The following LRRC37A variants were observed in gnomAD, a reference collection of about 807,000 sequenced individuals.
The protein encoded by LRRC37A is leucine rich repeat containing 37A, also known as leucine-rich repeat-containing protein 37A.
In LRRC37A, 3 loss-of-function variants were observed where a neutral mutation model predicts 35.4. That is an observed-to-expected ratio of 0.08 (90% CI 0.04 to 0.22). The LOEUF (loss-of-function observed/expected upper bound fraction) is 0.22. Ranked by LOEUF, LRRC37A falls within the 10% of genes least tolerant of loss-of-function variation. LRRC37A has a pLI of 1.00. For missense variants in LRRC37A, 67 were observed against 565.3 expected, an observed-to-expected ratio of 0.12 and a Z score of 8.94; for synonymous variants, 23 against 215.0, an observed-to-expected ratio of 0.11 and a Z score of 7.81.
chr17:46,269,971 T>C, the LRRC37A span, among the ~76,000 whole-genome samples: 1 of 152,338 alleles, frequency 6.6e-6, no homozygotes, highest in East Asian at 1.9e-4. Context: ...TTCAGTTGGT[T>C]TTAAAAAGGT....
chr17:46,280,569 C>CTTTTTTTTTTTTT, the LRRC37A span, among the ~76,000 whole-genome samples: 1 of 112,012 alleles, frequency 8.9e-6, no homozygotes, highest in Non-Finnish European at 1.7e-5. Context: ...TGATAGCACA[C>CTTTTTTTTTTTTT]TTTTTTTTTT....
At chr17:46,324,154 C>T (rs1273962921) in intron 7 of LRRC37A, among the ~76,000 whole-genome samples, 1 of 117,494 alleles carries the variant, frequency 8.5e-6, no homozygotes, top group Admixed American at 8.6e-5. Context: ...GCCTGTAATC[C>T]CAGCTACTCA....
the LRRC37A span, among the ~76,000 whole-genome samples, chr17:46,262,707 A>AC: frequency 6.6e-6 from 1 of 151,756 alleles, no homozygotes; most frequent in Non-Finnish European, 1.5e-5. Context: ...AATCACTTGA[A>AC]CCGGGAGGCG....
chr17:46,286,798 G>GTGA, the LRRC37A span, among the ~76,000 whole-genome samples: 1 of 152,254 alleles, frequency 6.6e-6, no homozygotes, highest in South Asian at 2.1e-4. Flanking sequence ...AGAACTCACT[G>GTGA]TGACTGCAGG....
upstream of LRRC37A, among the ~76,000 whole-genome samples, chr17:46,291,985 A>AAAAAAAAAAAC (rs1360524355): frequency 0.015 from 1,128 of 76,098 alleles, 90 homozygotes; most frequent in South Asian, 0.023. Flanking sequence ...AAAAAAAAAA[A>AAAAAAAAAAAC]AAGCCAATAA....
chr17:46,250,631 C>A, the LRRC37A span, among the ~76,000 whole-genome samples: 1 of 152,232 alleles, frequency 6.6e-6, no homozygotes, highest in Admixed American at 6.5e-5. Flanking sequence ...CAGACTGGCT[C>A]TCCTTGCTCC....
the LRRC37A span, among the ~76,000 whole-genome samples, chr17:46,255,706 C>T: frequency 8.5e-5 from 12 of 141,862 alleles, no homozygotes; most frequent in Admixed American, 2.9e-4. Context: ...GACGGAGTCT[C>T]GCTCTGTCAC....
chr17:46,280,233 A>T, the LRRC37A span, among the ~76,000 whole-genome samples: 2 of 152,180 alleles, frequency 1.3e-5, no homozygotes, highest in Non-Finnish European at 2.9e-5. Context: ...GTGTGGTGGC[A>T]GGCGCCTGTA....
chr17:46,257,166 G>A, the LRRC37A span, among the ~76,000 whole-genome samples: 1 of 151,844 alleles, frequency 6.6e-6, no homozygotes, highest in Non-Finnish European at 1.5e-5. Flanking sequence ...TTAACACTAG[G>A]CTGGGCATGG....
the LRRC37A span, among the ~76,000 whole-genome samples, chr17:46,252,750 T>C: frequency 6.6e-6 from 1 of 152,096 alleles, no homozygotes; most frequent in African/African-American, 2.4e-5. Context: ...TAGAACAAAA[T>C]GAAAAGTCTC....
chr17:46,333,099 T>C (rs1399352075), intron 10 of LRRC37A, among the ~76,000 whole-genome samples: 1 of 123,052 alleles, frequency 8.1e-6, no homozygotes, highest in Non-Finnish European at 1.8e-5. Flanking sequence ...TATTGTCTTG[T>C]AGACTTATTA....
At chr17:46,262,779 C>T in the LRRC37A span, among the ~76,000 whole-genome samples, 10 of 143,610 alleles carry the variant, frequency 7.0e-5, no homozygotes, top group African/African-American at 2.1e-4. Flanking sequence ...GAGCAAAACT[C>T]GGTCTTGGAA....
the LRRC37A span, among the ~76,000 whole-genome samples, chr17:46,278,411 TG>T: frequency 0.17 from 19,199 of 112,094 alleles, 1,496 homozygotes; most frequent in African/African-American, 0.25. Flanking sequence ...GTTTTTTTTT[TG>T]TTGTTGTTTT....
the LRRC37A span, among the ~76,000 whole-genome samples, chr17:46,271,511 G>A: frequency 1.3e-5 from 2 of 151,994 alleles, no homozygotes; most frequent in Non-Finnish European, 2.9e-5. Flanking sequence ...CAGGAAGAGT[G>A]AAAGCTGTAA....
At chr17:46,252,755 A>AGAGAC in the LRRC37A span, among the ~76,000 whole-genome samples, 3 of 152,096 alleles carry the variant, frequency 2.0e-5, no homozygotes, top group Non-Finnish European at 4.4e-5. Context: ...CAAAATGAAA[A>AGAGAC]GTCTCCCATG....
At chr17:46,253,749 C>G in the LRRC37A span, among the ~76,000 whole-genome samples, 2 of 84,558 alleles carry the variant, frequency 2.4e-5, no homozygotes, top group Admixed American at 1.7e-4. Context: ...AGAGGGAGAC[C>G]GTGGGGAGAG....
At chr17:46,330,852 G>A (rs760293397) in exon 9 of LRRC37A, 1 of 719,532 alleles carries the variant, frequency 1.4e-6, no homozygotes, top group Non-Finnish European at 2.1e-6. Context: ...AGGGAACAGG[G>A]TGCCCAGGCA....
At chr17:46,289,871 G>A (rs1567857247), upstream of LRRC37A, among the ~76,000 whole-genome samples, 1 of 152,172 alleles carries the variant, frequency 6.6e-6, no homozygotes, top group Non-Finnish European at 1.5e-5. Flanking sequence ...TGTAATCCCA[G>A]CAGTTTGGGA....
At chr17:46,265,351 TCTC>T in the LRRC37A span, among the ~76,000 whole-genome samples, 5 of 145,376 alleles carry the variant, frequency 3.4e-5, no homozygotes, top group African/African-American at 7.4e-5. Context: ...TTCTTCTTCT[TCTC>T]CTCCTTCTCC....
Sources: allele counts gnomAD v4.1 joint callset (sites outside exome capture counted in the v4.1 genomes callset), GRCh38; gene constraint gnomAD v4.1.1; transcripts MANE v1.5; gene names NCBI Gene and HGNC (gene_info 2026-07-23, HGNC 2026-07-21).